GALNT9: variants seen among roughly 807,000 people sequenced by gnomAD.
GALNT9 encodes GalNAc transferase 9.
A neutral mutation model predicts 63.1 loss-of-function variants in GALNT9; 47 were observed. The ratio of observed to expected loss-of-function variants is 0.75; its 90% CI spans 0.59 to 0.95. The LOEUF (loss-of-function observed/expected upper bound fraction) is 0.95, where lower values mean the gene tolerates loss of function less well. GALNT9 is among the 40% of genes least tolerant of loss of function. GALNT9 has a pLI of 0.00. For synonymous variants in GALNT9, 396 were observed against 365.7 expected, an observed-to-expected ratio of 1.08 and a Z score of -0.94; for missense variants, 829 against 874.8, an observed-to-expected ratio of 0.95 and a Z score of 0.66.
chr12:132,247,871 C>T lies in GALNT9; in HGVS notation c.1077+39G>A, dbSNP rs782739849. 11 of 1,550,138 alleles carry T rather than the reference C, an allele frequency of 7.1e-6. No homozygotes were observed. Among genetic ancestry groups the T allele is most frequent in the South Asian group, 3.6e-5 (3 of 84,026 alleles). ...TGTTCCCAGACGCTGTGGCCTCACTCGCCCTCACCCTGTCCCTGGACACCG... is the reference window on the plus strand; with the variant it reads ...TGTTCCCAGACGCTGTGGCCTCACTTGCCCTCACCCTGTCCCTGGACACCG... On this transcript the variant is annotated intron_variant, in intron 6 of 10. Transcript: ENST00000328957.
intron 2 of GALNT9, among the ~76,000 whole-genome samples, chr12:132,262,965 C>T (rs1879460300): frequency 1.3e-5 from 2 of 152,188 alleles, no homozygotes; most frequent in Non-Finnish European, 2.9e-5. Flanking sequence ...ACACACATGG[C>T]CCCTGTGCCC....
chr12:132,295,853 ACGGCCTCC>A (rs1593111093), intron 1 of GALNT9, among the ~76,000 whole-genome samples: 47 of 145,168 alleles, frequency 3.2e-4, no homozygotes, highest in East Asian at 8.3e-4. Flanking sequence ...CCGAACAGGG[ACGGCCTCC>A]GAACAGGGAC....
chr12:132,248,017 T>C lies in GALNT9; in HGVS notation c.970A>G (p.Met324Val). Residue 324 changes from methionine (M) to valine (V), a missense_variant, in exon 6 of 11, where the codon ATG (methionine) becomes GTG (valine). Physicochemically the swap from Met to Val is conservative, Grantham distance 21 (BLOSUM62 1). Transcript: ENST00000328957. The stretch of plus-strand genomic sequence containing the variant: ...TCCACTACGAAGGAGCAGCCGATCA[T>C]GGCTGGGGTCCTGGGAGGCAGAGAC... ...DESAPIRTPAMIGCSFVVDRE... is the reference protein window; with the variant it reads ...DESAPIRTPAVIGCSFVVDRE... 7 of 1,550,630 alleles carry C rather than the reference T, an allele frequency of 4.5e-6. No individual in the cohort carries two copies. Among genetic ancestry groups the C allele is most frequent in the Non-Finnish European group, 6.1e-6 (7 of 1,146,448 alleles).
intron 1 of GALNT9, among the ~76,000 whole-genome samples, chr12:132,299,456 C>T (rs1555243627): frequency 2.2e-5 from 3 of 137,128 alleles, no homozygotes; most frequent in South Asian, 2.7e-4. Flanking sequence ...TCCCACCACA[C>T]CTAACCCACC....
chr12:132,278,337 C>T (rs1289345744), intron 2 of GALNT9: 2 of 152,258 alleles, frequency 1.3e-5, no homozygotes, highest in Non-Finnish European at 1.5e-5. Flanking sequence ...ATCAAACATA[C>T]AAGTTATTTG....
Position 132,325,900 on chromosome 12 carries a change from G to T in GALNT9, c.238+3066C>A, listed in dbSNP as rs56287428. Among the ~76,000 whole-genome samples, 785 of 152,402 alleles carry T rather than the reference G, an allele frequency of 5.2e-3. 5 individuals carry two copies. Among genetic ancestry groups the T allele is most frequent in the African/African-American group, 0.018 (734 of 41,604 alleles). Reference sequence around the variant, plus strand: ...AGGAGGGCCAGGACCGCGCCAGGCAGGGGTGATTCTCCTCTCCCAGCAGAG... The same window carrying T: ...AGGAGGGCCAGGACCGCGCCAGGCATGGGTGATTCTCCTCTCCCAGCAGAG... On this transcript the variant is annotated intron_variant, in intron 1 of 10. Transcript: ENST00000328957.
chr12:132,212,935 A>G (rs1397255206), intron 6 of GALNT9, among the ~76,000 whole-genome samples: 1 of 115,666 alleles, frequency 8.6e-6, no homozygotes. Context: ...TGGAAACCCC[A>G]CCCGGGTCTG....
At chr12:132,264,654 A>G (rs1014828959) in intron 2 of GALNT9, among the ~76,000 whole-genome samples, 1 of 152,250 alleles carries the variant, frequency 6.6e-6, no homozygotes, top group Non-Finnish European at 1.5e-5. Flanking sequence ...TTCCCAGGAC[A>G]CGCAGGAAAA....
At position 132,221,082 on chromosome 12, in the gene GALNT9, G is replaced by A. The variant is rs192612795; in HGVS notation, c.1078-17392C>T. Among the ~76,000 whole-genome samples the A allele has an allele frequency of 1.9e-3, 260 of 140,382 alleles. 2 individuals carry two copies. The highest frequency in any genetic ancestry group is 5.3e-3 in the African/African-American group (197 of 37,350). 92.1% of individuals were successfully genotyped at this position (140,382 alleles called of 152,430 possible). On this transcript the variant is annotated intron_variant, in intron 6 of 10. Coordinates refer to ENST00000328957, the MANE Select transcript of GALNT9 (RefSeq NM_001122636.2). ...AAAAAAAAAAAAAAAAGGTCTGGGC[G>A]CGATGGCTCTTGCCTGTAATCCCAG...
intron 1 of GALNT9, among the ~76,000 whole-genome samples, chr12:132,295,939 ACGGCC>A (rs1555243186): frequency 1.4e-5 from 2 of 141,770 alleles, no homozygotes; most frequent in African/African-American, 5.5e-5. Context: ...CCGAACAGGG[ACGGCC>A]TCCGAACAGG....
At chr12:132,267,766 T>TGCACTGACACAC (rs1879666064) in intron 2 of GALNT9, among the ~76,000 whole-genome samples, 1 of 139,814 alleles carries the variant, frequency 7.2e-6, no homozygotes, top group African/African-American at 3.1e-5. Context: ...CACACACACA[T>TGCACTGACACAC]GCACTCACAC....
At chr12:132,240,413 C>G (rs1375362863) in intron 6 of GALNT9, 1 of 353,754 alleles carries the variant, frequency 2.8e-6, no homozygotes, top group Non-Finnish European at 5.6e-6. Flanking sequence ...TGGCTTCCAG[C>G]CTCCACTTGT....
intron 2 of GALNT9, chr12:132,284,293 G>A (rs56308199): frequency 0.044 from 6,628 of 150,110 alleles, 236 homozygotes; most frequent in Non-Finnish European, 0.069. Flanking sequence ...ACACCCACCC[G>A]CACACAACGC....
rs780166221 is a variant in GALNT9 at position 132,246,054 on chromosome 12, C to A, written c.1077+1856G>T. On this transcript the variant is annotated intron_variant, in intron 6 of 10. Coordinates refer to ENST00000328957, the MANE Select transcript of GALNT9 (RefSeq NM_001122636.2). This position sits in a 1 kb window ranked among gnomAD's most constrained non-coding sequence, Gnocchi z 4.7. ...GGCCTCGGCTTTCTTAGGCCCCTGA[C>A]TGCTGGCCTGGTCTCCTGCCCCACA... Among the ~76,000 whole-genome samples the A allele has an allele frequency of 6.6e-6, 1 of 152,366 alleles. No homozygotes were observed.
Position 132,238,926 on chromosome 12 carries a change from A to G in GALNT9, c.1077+8984T>C, listed in dbSNP as rs1213195084. ...AAATGAGAGATAACTGTACAAATAA[A>G]TACAATAAGATACACACCGCAGTTA... On this transcript the variant is annotated intron_variant, in intron 6 of 10. Coordinates refer to ENST00000328957, the MANE Select transcript of GALNT9 (RefSeq NM_001122636.2). The surrounding 1 kb of genome is among the most constrained non-coding windows in gnomAD (Gnocchi z 6.5). Among the ~76,000 whole-genome samples, 1 of 152,236 alleles carries G rather than the reference A, an allele frequency of 6.6e-6. No homozygotes were observed. Among genetic ancestry groups the G allele is most frequent in the Non-Finnish European group, 1.5e-5 (1 of 68,046 alleles).
At chr12:132,256,041 A>G (rs1879097651) in intron 5 of GALNT9, among the ~76,000 whole-genome samples, 1 of 152,182 alleles carries the variant, frequency 6.6e-6, no homozygotes, top group Admixed American at 6.5e-5. Flanking sequence ...CTGCCTTAAT[A>G]TTTCATTTAT....
intron 1 of GALNT9, among the ~76,000 whole-genome samples, chr12:132,306,581 G>T (rs2135580381): frequency 6.6e-6 from 1 of 152,296 alleles, no homozygotes; most frequent in South Asian, 2.1e-4. Flanking sequence ...GCCTTTCTGG[G>T]TACCCCCACC....
chr12:132,329,062 G>A lies in GALNT9; in HGVS notation c.142C>T (p.Arg48Cys), dbSNP rs1555246743. The change falls in exon 1 of 11, where the codon CGC becomes TGC. Residue 48 changes from arginine to cysteine, a missense_variant. Coordinates refer to ENST00000328957, the MANE Select transcript of GALNT9 (RefSeq NM_001122636.2). ...VRIVSGDRRVRSRHAKVGTLG... is the reference protein window; with the variant it reads ...VRIVSGDRRVCSRHAKVGTLG... Reference sequence around the variant, plus strand: ...GTGCCCACCTTGGCGTGTCGGCTGCGCACCCGGCGGTCGCCGCTCACGATG... The same window carrying A: ...GTGCCCACCTTGGCGTGTCGGCTGCACACCCGGCGGTCGCCGCTCACGATG... The A allele has an allele frequency of 1.3e-6, 2 of 1,547,032 alleles. No homozygotes were observed. The highest frequency in any genetic ancestry group is 1.4e-5 in the African/African-American group (1 of 73,118).
At chr12:132,248,754 A>G (rs532874387) in intron 5 of GALNT9, among the ~76,000 whole-genome samples, 80 of 152,358 alleles carry the variant, frequency 5.3e-4, no homozygotes, top group South Asian at 1.2e-3. Context: ...TCCTGTAATA[A>G]TTCTAAAACG....
Sources: allele counts gnomAD v4.1 joint callset (sites outside exome capture counted in the v4.1 genomes callset), GRCh38; gene constraint gnomAD v4.1.1; non-coding constraint Gnocchi (gnomAD v3.1); transcripts MANE v1.5; gene names NCBI Gene and HGNC (gene_info 2026-07-23, HGNC 2026-07-21).